BIRC6: variants seen among roughly 807,000 people sequenced by gnomAD.
BIRC6 encodes dual E2 ubiquitin-conjugating enzyme/E3 ubiquitin-protein ligase BIRC6.
Under a neutral mutation model 503.3 loss-of-function variants are expected in BIRC6, and 98 were observed. That is an observed-to-expected ratio of 0.19 (90% CI 0.17 to 0.23). BIRC6 has a LOEUF of 0.23. Ranked by LOEUF, BIRC6 falls within the 10% of genes least tolerant of loss-of-function variation. The probability of loss-of-function intolerance (pLI) is 1.00; values close to 1 mark genes in which losing one functional copy is unlikely to be tolerated. For missense variants in BIRC6, 5,360 were observed against 5,806.0 expected, an observed-to-expected ratio of 0.92 and a Z score of 2.50; for synonymous variants, 2,240 against 2,078.7, an observed-to-expected ratio of 1.08 and a Z score of -2.11.
chr2:32,562,749 C>T (rs950686514), intron 65 of BIRC6, among the ~76,000 whole-genome samples: 7 of 152,242 alleles, frequency 4.6e-5, no homozygotes, highest in African/African-American at 1.7e-4. Flanking sequence ...AAGTTTTGTC[C>T]ATGTGTTTTC....
intron 65 of BIRC6, among the ~76,000 whole-genome samples, chr2:32,551,191 A>C (rs898876265): frequency 6.6e-6 from 1 of 151,392 alleles, no homozygotes; most frequent in Non-Finnish European, 1.5e-5. Context: ...TAAGTATATA[A>C]GTACATATAT....
intron 61 of BIRC6, among the ~76,000 whole-genome samples, chr2:32,542,002 A>G (rs940001472): frequency 6.6e-6 from 1 of 152,040 alleles, no homozygotes; most frequent in African/African-American, 2.4e-5. Context: ...AGGATCATAT[A>G]TTGCATTTTG....
At chr2:32,589,351 T>A (rs1257348872) in intron 66 of BIRC6, among the ~76,000 whole-genome samples, 1 of 152,216 alleles carries the variant, frequency 6.6e-6, no homozygotes, top group Non-Finnish European at 1.5e-5. Context: ...TGAAGTCACT[T>A]GTACAAGTAC....
chr2:32,441,152 T>C (rs999147126), intron 16 of BIRC6, among the ~76,000 whole-genome samples, 177 bp from the exon 17 acceptor site: 16 of 152,172 alleles, frequency 1.1e-4, no homozygotes, highest in African/African-American at 3.6e-4. Flanking sequence ...TCCCCTATTA[T>C]AATTCTGGAG....
In BIRC6 at chr2:32,357,320, A is replaced by G. The variant is rs2033227947; in HGVS notation, c.159A>G (p.Ser53=). The change falls in exon 1 of 74, where the codon TCA becomes TCG. Residue 53 remains serine, a synonymous_variant. Transcript: ENST00000421745. The surrounding 1 kb of genome is among the most constrained non-coding windows in gnomAD (Gnocchi z 4.9). Reference sequence around the variant, plus strand: ...CGGGGGCGGGGGCGGCCGGGGTCTCAGAGTGGCTGGTGCTGCGGGACGGCT... The same window carrying G: ...CGGGGGCGGGGGCGGCCGGGGTCTCGGAGTGGCTGGTGCTGCGGGACGGCT... ...SAAGAGAAGV[S]EWLVLRDGCM... 3.9e-6 allele frequency: 6 copies of G among 1,534,906 alleles called. No homozygotes were observed. The highest frequency in any genetic ancestry group is 5.3e-6 in the Non-Finnish European group (6 of 1,142,566).
At chr2:32,568,477 G>A (rs1461706393) in intron 65 of BIRC6, among the ~76,000 whole-genome samples, 4 of 127,416 alleles carry the variant, frequency 3.1e-5, no homozygotes, top group Non-Finnish European at 6.5e-5. Context: ...GGGCAACAGA[G>A]TGAGACCTTG....
intron 45 of BIRC6, among the ~76,000 whole-genome samples, chr2:32,497,712 C>T (rs1318929049): frequency 2.0e-5 from 3 of 152,008 alleles, no homozygotes; most frequent in Admixed American, 2.0e-4. Context: ...TTTTTGGGGT[C>T]ATTCTGGCTA....
chr2:32,576,907 A>G (rs1573132924), intron 66 of BIRC6, among the ~76,000 whole-genome samples: 1 of 152,322 alleles, frequency 6.6e-6, no homozygotes, highest in Admixed American at 6.5e-5. Context: ...TTGTAGACTC[A>G]TACAACTCTG....
rs377321090 is a variant in BIRC6, at chr2:32,575,379, A to G, written c.13355+13A>G. ...CCAACCGTTTAAGGTACTATATACA[A>G]TGTTCATTTCTCTTGAGTTTGCCTC... On this transcript the variant is annotated intron_variant, in intron 66 of 73. Transcript: ENST00000421745. The G allele has an allele frequency of 6.9e-4, 1,103 of 1,609,086 alleles. No homozygotes were observed. Among genetic ancestry groups the G allele is most frequent in the Non-Finnish European group, 7.0e-4 (818 of 1,175,594 alleles).
At chr2:32,396,336 G>T (rs1216229517) in intron 6 of BIRC6, among the ~76,000 whole-genome samples, 5 of 152,156 alleles carry the variant, frequency 3.3e-5, no homozygotes, top group Non-Finnish European at 7.3e-5. Flanking sequence ...TTGCTGAAGG[G>T]CATATGGCTA....
intron 5 of BIRC6, among the ~76,000 whole-genome samples, chr2:32,392,952 T>A (rs1404051003): frequency 2.6e-5 from 4 of 152,156 alleles, no homozygotes; most frequent in Admixed American, 6.5e-5. Context: ...TAATTTTTTT[T>A]ATAAAATCAA....
At chr2:32,513,895 G>A (rs2054712769) in intron 54 of BIRC6, among the ~76,000 whole-genome samples, 1 of 151,874 alleles carries the variant, frequency 6.6e-6, no homozygotes, top group South Asian at 2.1e-4. Flanking sequence ...GGCGACAAGA[G>A]CAAGACTCTG....
At chr2:32,426,691 G>T (rs2043538118) in intron 10 of BIRC6, among the ~76,000 whole-genome samples, 2 of 152,204 alleles carry the variant, frequency 1.3e-5, no homozygotes, top group South Asian at 4.1e-4. Context: ...AAAGAAATGA[G>T]AAAAACATTT....
chr2:32,571,400 TTTG>T, intron 65 of BIRC6, among the ~76,000 whole-genome samples: 1 of 147,568 alleles, frequency 6.8e-6, no homozygotes, highest in African/African-American at 2.5e-5. Flanking sequence ...TTTTTTTTTT[TTTG>T]TTGGGAGATG....
chr2:32,434,323 T>G (rs1423270230), intron 13 of BIRC6, among the ~76,000 whole-genome samples: 1 of 152,166 alleles, frequency 6.6e-6, no homozygotes, highest in Non-Finnish European at 1.5e-5. Context: ...ATAAGTTAGT[T>G]TAAGAGGCTG....
At chr2:32,441,732 A>C (rs1215031169) in intron 17 of BIRC6, among the ~76,000 whole-genome samples, 1 of 152,200 alleles carries the variant, frequency 6.6e-6, no homozygotes, top group Non-Finnish European at 1.5e-5. Context: ...ATGTATCTAT[A>C]GTCCTAGCTA....
intron 38 of BIRC6, 112 bp from the exon 39 acceptor site, chr2:32,482,317 G>A (rs1303934874): frequency 8.6e-6 from 9 of 1,046,470 alleles, no homozygotes; most frequent in Non-Finnish European, 1.2e-5. Flanking sequence ...GAAATTTAAA[G>A]GGTGGATAGA....
At position 32,618,049 on chromosome 2, in the gene BIRC6, G is replaced by A. The variant is rs1331182935; in HGVS notation, c.*145G>A. ...CTTAAGGAGATCCAGTTTAATTCAA[G>A]GTGATCTTTTATTTACCTGTACAGG... On this transcript the variant is annotated 3_prime_UTR_variant, in exon 74 of 74. Coordinates refer to ENST00000421745, the MANE Select transcript of BIRC6 (RefSeq NM_016252.4). 1.2e-6 allele frequency: 1 copy of A among 819,098 alleles called. No individual in the cohort carries two copies. The highest frequency in any genetic ancestry group is 1.8e-6 in the Non-Finnish European group (1 of 552,858). The allele number at this position is 819,098 out of a possible 1,614,324, so 50.7% of individuals were successfully genotyped here. A position where few individuals can be genotyped will look rare whatever the true frequency, so the allele number is the denominator to read the frequency against.
intron 65 of BIRC6, among the ~76,000 whole-genome samples, chr2:32,561,662 T>A (rs1005160136): frequency 8.6e-5 from 13 of 151,390 alleles, no homozygotes; most frequent in African/African-American, 3.1e-4. Context: ...AACCTAAAGT[T>A]TTTTTTAAAG....
Sources: gnomAD v4.1 joint callset for allele counts (sites outside exome capture counted in the v4.1 genomes callset) on GRCh38, gnomAD v4.1.1 for gene constraint, Gnocchi (gnomAD v3.1) non-coding constraint, MANE v1.5 for transcripts, NCBI Gene and HGNC (gene_info 2026-07-23, HGNC 2026-07-21) for gene names.